Variants in DOCK2 observed in about 807,000 individuals in gnomAD.
DOCK2 encodes the protein dedicator of cytokinesis 2.
DOCK2 carries 87 observed loss-of-function variants against 248.9 expected under a neutral mutation model. The observed-to-expected ratio is 0.35, with a 90% CI of 0.29 to 0.42. The LOEUF (loss-of-function observed/expected upper bound fraction) is 0.42. Ranked by LOEUF, DOCK2 falls within the 10% of genes least tolerant of loss-of-function variation. The pLI is 1.00. For missense variants in DOCK2, 1,747 were observed against 2,300.2 expected, an observed-to-expected ratio of 0.76 and a Z score of 4.92; for synonymous variants, 805 against 821.6, an observed-to-expected ratio of 0.98 and a Z score of 0.35.
chr5:169,768,461 T>C (rs535592877), intron 25 of DOCK2, among the ~76,000 whole-genome samples: 33 of 152,360 alleles, frequency 2.2e-4, no homozygotes, highest in African/African-American at 7.9e-4. Context: ...TGAGAACAAG[T>C]GCCTCACCAT....
intron 27 of DOCK2, chr5:169,864,383 C>T (rs2113421791): frequency 1.9e-6 from 3 of 1,551,574 alleles, no homozygotes; most frequent in East Asian, 4.9e-5. Context: ...GATGCCTCCT[C>T]AACTGGCTCT....
chr5:169,920,377 A>G (rs553590825), intron 27 of DOCK2, among the ~76,000 whole-genome samples: 1 of 152,372 alleles, frequency 6.6e-6, no homozygotes, highest in East Asian at 1.9e-4. Context: ...ACCAAGGGGA[A>G]GAAAACAAAA....
chr5:169,701,277 T>C (rs1463640074), intron 13 of DOCK2, among the ~76,000 whole-genome samples: 1 of 152,230 alleles, frequency 6.6e-6, no homozygotes, highest in Non-Finnish European at 1.5e-5. Flanking sequence ...AAACTAAATT[T>C]GTTGTAATTT....
intron 14 of DOCK2, among the ~76,000 whole-genome samples, chr5:169,705,470 A>G (rs1281613190): frequency 1.3e-5 from 2 of 152,200 alleles, no homozygotes; most frequent in East Asian, 3.9e-4. Flanking sequence ...AGCCAGGTGC[A>G]AAGCCCAGCT....
chr5:169,873,729 G>A (rs763387366), intron 27 of DOCK2, among the ~76,000 whole-genome samples: 23 of 152,168 alleles, frequency 1.5e-4, no homozygotes, highest in Non-Finnish European at 2.8e-4. Flanking sequence ...TTTTTCTCTG[G>A]TTAGGTAATA....
At chr5:169,786,898 C>G (rs1766019904) in intron 25 of DOCK2, among the ~76,000 whole-genome samples, 2 of 151,944 alleles carry the variant, frequency 1.3e-5, no homozygotes, top group African/African-American at 4.8e-5. Context: ...TAGCCACGAC[C>G]CTTATCAAGA....
rs1477240097 is a variant in DOCK2, at chr5:169,695,817, A to G, written c.858A>G (p.Lys286=). ...TTTCCCCCCAGGATCTTGGAAACAA[A>G]GACCTCAACAGGGATAAAATTTACT... The part of the protein sequence containing the change: ...LKVVFTDLGN[K]DLNRDKIYLI... Residue 286 remains lysine, a synonymous_variant, in exon 10 of 52, where the codon AAA becomes AAG. Coordinates refer to ENST00000520908, the MANE Select transcript of DOCK2 (RefSeq NM_004946.3). 6.2e-7 allele frequency: 1 copy of G among 1,613,326 alleles called. No homozygotes were observed. The highest frequency in any genetic ancestry group is 8.5e-7 in the Non-Finnish European group (1 of 1,179,834).
chr5:170,082,644 C>G, intron 51 of DOCK2, 152 bp from the exon 52 acceptor site: 2 of 981,804 alleles, frequency 2.0e-6, no homozygotes, highest in Non-Finnish European at 3.0e-6. Flanking sequence ...CACTGCCTTT[C>G]TGGCCAAAGC....
chr5:169,776,842 T>C (rs2113788207), intron 25 of DOCK2, among the ~76,000 whole-genome samples: 1 of 152,344 alleles, frequency 6.6e-6, no homozygotes, highest in African/African-American at 2.4e-5. Flanking sequence ...GCCATGATTG[T>C]AAGTTTTCTG....
At chr5:169,943,591 C>A (rs1008931744) in intron 27 of DOCK2, among the ~76,000 whole-genome samples, 1 of 152,236 alleles carries the variant, frequency 6.6e-6, no homozygotes, top group Non-Finnish European at 1.5e-5. Context: ...TGGTTACCCT[C>A]ACCTCCTGGC....
At chr5:169,663,519 C>T (rs542937588) in intron 2 of DOCK2, among the ~76,000 whole-genome samples, 1 of 152,364 alleles carries the variant, frequency 6.6e-6, no homozygotes, top group Admixed American at 6.5e-5. Flanking sequence ...CAGAAGACTT[C>T]TGCCTTGACA....
intron 27 of DOCK2, chr5:169,980,699 A>T (rs1400144439): frequency 3.9e-5 from 6 of 152,144 alleles, no homozygotes. Context: ...AAACGAGAAT[A>T]ATGGTTATTT....
At chr5:170,068,000 G>A (rs543359179) in intron 45 of DOCK2, among the ~76,000 whole-genome samples, 1 of 152,314 alleles carries the variant, frequency 6.6e-6, no homozygotes, top group Non-Finnish European at 1.5e-5. Context: ...TGGGATGAGT[G>A]TGAGCCAGAC....
At chr5:169,957,479 A>T (rs781060277) in intron 27 of DOCK2, among the ~76,000 whole-genome samples, 27 of 152,220 alleles carry the variant, frequency 1.8e-4, no homozygotes, top group Non-Finnish European at 2.6e-4. Flanking sequence ...TGTAAGGAGA[A>T]GTATACCATT....
intron 32 of DOCK2, among the ~76,000 whole-genome samples, chr5:170,015,868 C>CTCCTTTCTTCCTTCCCTCCTTCCT (rs1228534763): frequency 6.7e-6 from 1 of 150,324 alleles, no homozygotes; most frequent in African/African-American, 2.5e-5. Flanking sequence ...CCCTCCCTCC[C>CTCCTTTCTTCCTTCCCTCCTTCCT]TCCTTTCTTC....
intron 27 of DOCK2, among the ~76,000 whole-genome samples, chr5:169,961,449 G>A (rs1305582076): frequency 6.6e-6 from 1 of 152,218 alleles, no homozygotes; most frequent in Non-Finnish European, 1.5e-5. Context: ...ATAGCATGCT[G>A]AGCATAATGT....
rs114287734 is a variant in DOCK2, at chr5:169,659,971, C to A, written c.127+5485C>A. ...TGCAGCTCACCTACTTCTTCTGTTT[C>A]CCCAGTTTGAACAAGACCTGGGGAA... On this transcript the variant is annotated intron_variant, in intron 2 of 51. Transcript: ENST00000520908. 9.4e-3 allele frequency among the ~76,000 whole-genome samples: 1,439 copies of A among 152,290 alleles called. 24 individuals are homozygous for A. The highest frequency in any genetic ancestry group is 0.033 in the African/African-American group (1,355 of 41,552).
At position 169,843,682 on chromosome 5, in the gene DOCK2, C is replaced by T. The variant is rs1581272607; in HGVS notation, c.2799+2830C>T. Among the ~76,000 whole-genome samples the T allele has an allele frequency of 2.0e-5, 3 of 152,314 alleles. No individual in the cohort carries two copies. The South Asian group carries it at 6.2e-4, about 32-fold the overall frequency. ...CAGTTTAGAGTATTTCTTTTACTCT[C>T]CAAAGTTCCATTTGCAGTCACTTTC... is the stretch of plus-strand genomic sequence containing the variant. On this transcript the variant is annotated intron_variant, in intron 27 of 51. Coordinates refer to ENST00000520908, the MANE Select transcript of DOCK2 (RefSeq NM_004946.3).
intron 17 of DOCK2, among the ~76,000 whole-genome samples, chr5:169,713,082 C>T (rs1379729904): frequency 6.6e-6 from 1 of 152,208 alleles, no homozygotes; most frequent in East Asian, 1.9e-4. Context: ...TCTCATAGTA[C>T]TCTTGTACTC....
Sources: allele counts gnomAD v4.1 joint callset (sites outside exome capture counted in the v4.1 genomes callset), GRCh38; gene constraint gnomAD v4.1.1; transcripts MANE v1.5; gene names NCBI Gene and HGNC (gene_info 2026-07-23, HGNC 2026-07-21).